Variants in ATXN7L1 observed in about 807,000 individuals in gnomAD.
ATXN7L1 encodes ataxin-7-like protein 1.
Under a neutral mutation model 70.8 loss-of-function variants are expected in ATXN7L1, and 15 were observed. The ratio of observed to expected loss-of-function variants is 0.21; its 90% CI spans 0.14 to 0.33. The LOEUF is 0.33. Among genes scored for constraint, ATXN7L1 ranks in the 10% least tolerant of loss-of-function variants. The pLI is 1.00. For missense variants in ATXN7L1, 975 were observed against 1,097.1 expected, an observed-to-expected ratio of 0.89 and a Z score of 1.57; for synonymous variants, 440 against 445.1, an observed-to-expected ratio of 0.99 and a Z score of 0.14.
intron 3 of ATXN7L1, among the ~76,000 whole-genome samples, chr7:105,722,704 C>A (rs1795340352): frequency 6.7e-6 from 1 of 148,594 alleles, no homozygotes; most frequent in Admixed American, 6.7e-5. Context: ...CATGGTGAAA[C>A]CCCATCTCTA....
chr7:105,876,267 A>C, intron 1 of ATXN7L1, 111 bp downstream of exon 1: 1 of 1,310,684 alleles, frequency 7.6e-7, no homozygotes, highest in African/African-American at 1.5e-5. Context: ...AGAAGCATGG[A>C]GGACACCGGG....
intron 3 of ATXN7L1, among the ~76,000 whole-genome samples, chr7:105,729,428 T>C (rs1584856776): frequency 8.9e-6 from 1 of 112,610 alleles, no homozygotes. Flanking sequence ...AAATCCCTAC[T>C]TCTTTTTTTT....
intron 4 of ATXN7L1, among the ~76,000 whole-genome samples, chr7:105,661,135 T>A (rs1372915681): frequency 6.6e-6 from 1 of 152,238 alleles, no homozygotes; most frequent in African/African-American, 2.4e-5. Context: ...ATTAGTCAAC[T>A]GTGCACCTGG....
chr7:105,654,004 A>G (rs1016123559), intron 4 of ATXN7L1, among the ~76,000 whole-genome samples: 7 of 151,958 alleles, frequency 4.6e-5, no homozygotes, highest in African/African-American at 1.7e-4. Context: ...TTTTATTTCT[A>G]CATCTATGTG....
At chr7:105,782,169 G>A (rs545435307) in intron 3 of ATXN7L1, among the ~76,000 whole-genome samples, 6 of 152,240 alleles carry the variant, frequency 3.9e-5, no homozygotes, top group South Asian at 2.1e-4. Context: ...ATGGGTCCTA[G>A]AGAGGTTACA....
At chr7:105,760,201 T>C (rs1218947905) in intron 3 of ATXN7L1, 2 of 984,218 alleles carry the variant, frequency 2.0e-6, no homozygotes, top group Non-Finnish European at 2.4e-6. Context: ...ACCCATCCAA[T>C]AGATGTTTAA....
chr7:105,804,363 G>A (rs1258591258), intron 2 of ATXN7L1, among the ~76,000 whole-genome samples: 3 of 152,196 alleles, frequency 2.0e-5, no homozygotes, highest in African/African-American at 7.2e-5. Context: ...ATGTATGGGT[G>A]AAGAGCCAGC....
At chr7:105,820,125 TCAAAAAAAAA>T in intron 2 of ATXN7L1, 18 of 28,896 alleles carry the variant, frequency 6.2e-4, no homozygotes, top group South Asian at 2.6e-3. Flanking sequence ...TGTTTATTCC[TCAAAAAAAAA>T]AAAAAAAAAA....
rs564833665 is a variant in ATXN7L1 at position 105,795,607 on chromosome 7, A to G, written c.251-6899T>C. On this transcript the variant is annotated intron_variant, in intron 2 of 11. Coordinates refer to ENST00000419735, the MANE Select transcript of ATXN7L1 (RefSeq NM_020725.2). Reference sequence around the variant, plus strand: ...TGATGAAAACCTTAAGAGAGACTAAATAAGGCTTGATTCCTCCCTTTTGCA... The same window carrying G: ...TGATGAAAACCTTAAGAGAGACTAAGTAAGGCTTGATTCCTCCCTTTTGCA... Among the ~76,000 whole-genome samples the G allele has an allele frequency of 1.4e-3, 218 of 152,296 alleles. 2 individuals are homozygous for G. Among genetic ancestry groups the G allele is most frequent in the Non-Finnish European group, 2.8e-3 (190 of 68,016 alleles).
chr7:105,799,240 C>A (rs190492103), intron 2 of ATXN7L1, among the ~76,000 whole-genome samples: 1 of 152,218 alleles, frequency 6.6e-6, no homozygotes, highest in Non-Finnish European at 1.5e-5. Context: ...TCGCAGCAGG[C>A]CTCAGCTGTC....
In ATXN7L1 at chr7:105,774,401, G is replaced by A. The variant is rs552106699; in HGVS notation, c.355+14203C>T. ...GAGTCTCCCTCTGTCACTCAGGCTG[G>A]AGTGCAGTGGCACGATCTTGGCTCA... is the stretch of plus-strand genomic sequence containing the variant. On this transcript the variant is annotated intron_variant, in intron 3 of 11. Coordinates refer to ENST00000419735, the MANE Select transcript of ATXN7L1 (RefSeq NM_020725.2). 1.0e-4 allele frequency among the ~76,000 whole-genome samples: 15 copies of A among 149,566 alleles called. No individual in the cohort carries two copies. The South Asian group carries it at 3.2e-3, about 32-fold the overall frequency.
chr7:105,784,005 A>G (rs1423979866), intron 3 of ATXN7L1, among the ~76,000 whole-genome samples: 1 of 152,146 alleles, frequency 6.6e-6, no homozygotes, highest in African/African-American at 2.4e-5. Flanking sequence ...TCTGTTACCC[A>G]GGGTGGAGTG....
chr7:105,829,131 C>A (rs1811245412), intron 2 of ATXN7L1, among the ~76,000 whole-genome samples: 3 of 152,130 alleles, frequency 2.0e-5, no homozygotes. Flanking sequence ...GAAAAAACAG[C>A]CATTTCTGGG....
At chr7:105,741,944 G>A (rs909285822) in intron 3 of ATXN7L1, among the ~76,000 whole-genome samples, 1 of 152,164 alleles carries the variant, frequency 6.6e-6, no homozygotes, top group South Asian at 2.1e-4. Context: ...ATTCTCTCTC[G>A]CAGCCCTCAG....
intron 3 of ATXN7L1, among the ~76,000 whole-genome samples, chr7:105,690,525 C>T (rs570277180): frequency 6.6e-6 from 1 of 152,172 alleles, no homozygotes; most frequent in African/African-American, 2.4e-5. Context: ...CAGACCCGCT[C>T]CTCAGAAGGC....
At position 105,745,450 on chromosome 7, in the gene ATXN7L1, C is replaced by T. The variant is rs189514929; in HGVS notation, c.355+43154G>A. ...GTACGGGAATTCCGTTTGTACGCCT[C>T]GTACCACTTGACTTACAGGCAAATA... On this transcript the variant is annotated intron_variant, in intron 3 of 11. Transcript: ENST00000419735. Among the ~76,000 whole-genome samples the T allele has an allele frequency of 1.3e-3, 195 of 152,312 alleles. 1 individual carries two copies. Among genetic ancestry groups the T allele is most frequent in the African/African-American group, 3.6e-3 (149 of 41,560 alleles).
chr7:105,678,323 A>T (rs906831314), intron 3 of ATXN7L1, among the ~76,000 whole-genome samples: 1 of 152,036 alleles, frequency 6.6e-6, no homozygotes, highest in Non-Finnish European at 1.5e-5. Flanking sequence ...TGTGTGTGTG[A>T]GTGGGTGTGC....
chr7:105,733,641 T>TCCATCCAC (rs1796941356), intron 3 of ATXN7L1, among the ~76,000 whole-genome samples: 6 of 99,274 alleles, frequency 6.0e-5, no homozygotes, highest in African/African-American at 2.6e-4. Context: ...CACCCATCCA[T>TCCATCCAC]CCATCCATCC....
At chr7:105,808,671 T>C (rs1807973106) in intron 2 of ATXN7L1, among the ~76,000 whole-genome samples, 1 of 152,202 alleles carries the variant, frequency 6.6e-6, no homozygotes. Flanking sequence ...AGCATATTTA[T>C]AAAGGGAGGA....
Sources: allele counts gnomAD v4.1 joint callset (sites outside exome capture counted in the v4.1 genomes callset), GRCh38; gene constraint gnomAD v4.1.1; transcripts MANE v1.5; gene names NCBI Gene and HGNC (gene_info 2026-07-23, HGNC 2026-07-21).